Variants in GOT1 observed in about 807,000 individuals in gnomAD.
GOT1 encodes aspartate aminotransferase, cytoplasmic.
A neutral mutation model predicts 48.2 loss-of-function variants in GOT1; 25 were observed. The ratio of observed to expected loss-of-function variants is 0.52; its 90% CI spans 0.38 to 0.72. GOT1 has a LOEUF of 0.72. GOT1 is among the 30% of genes least tolerant of loss of function. The pLI is 0.00. For missense variants in GOT1, 380 were observed against 520.1 expected, an observed-to-expected ratio of 0.73 and a Z score of 2.62; for synonymous variants, 188 against 193.8, an observed-to-expected ratio of 0.97 and a Z score of 0.25.
chr10:99,405,980 G>T, intron 4 of GOT1, 120 bp from the exon 5 acceptor site: 1 of 797,854 alleles, frequency 1.3e-6, no homozygotes, highest in South Asian at 1.4e-5. Context: ...ACTCTTTCAT[G>T]TCTCTTTTGT....
At position 99,406,268 on chromosome 10, in the gene GOT1, A is replaced by C; in HGVS notation, c.425-19T>G. The stretch of plus-strand genomic sequence containing the variant: ...TGATTCTCTGCATGCAAAGAAGTAA[A>C]AAGTTAAGCACTTTACAAACACTAG... On this transcript the variant is annotated intron_variant, in intron 3 of 8. Coordinates refer to ENST00000370508, the MANE Select transcript of GOT1 (RefSeq NM_002079.3). 1 of 1,560,726 alleles carries C rather than the reference A, an allele frequency of 6.4e-7. No individual in the cohort carries two copies. The highest frequency in any genetic ancestry group is 8.8e-7 in the Non-Finnish European group (1 of 1,131,322).
intron 2 of GOT1, among the ~76,000 whole-genome samples, chr10:99,414,455 C>G (rs1018361384): frequency 1.3e-5 from 2 of 152,106 alleles, no homozygotes; most frequent in African/African-American, 2.4e-5. Flanking sequence ...CCTTAGGGAC[C>G]TACAAAGGGA....
At chr10:99,425,060 A>T (rs1358371348) in intron 1 of GOT1, among the ~76,000 whole-genome samples, 1 of 152,252 alleles carries the variant, frequency 6.6e-6, no homozygotes, top group Non-Finnish European at 1.5e-5. Flanking sequence ...TTGATAAAAT[A>T]AGATCCCATC....
chr10:99,416,304 A>T (rs2134105114), intron 2 of GOT1, among the ~76,000 whole-genome samples: 1 of 151,322 alleles, frequency 6.6e-6, no homozygotes, highest in East Asian at 1.9e-4. Context: ...AATAACAGAC[A>T]AATAGAGAGC....
chr10:99,421,819 G>A (rs1351611722), intron 1 of GOT1, among the ~76,000 whole-genome samples: 2 of 152,000 alleles, frequency 1.3e-5, no homozygotes, highest in African/African-American at 4.8e-5. Context: ...AAATTTTAGA[G>A]TGATACTGAT....
At chr10:99,407,087 C>T (rs142591733) in intron 2 of GOT1, among the ~76,000 whole-genome samples, 2 of 152,302 alleles carry the variant, frequency 1.3e-5, no homozygotes, top group African/African-American at 2.4e-5. Context: ...TTACCAGCTA[C>T]TGAGCAGGAG....
intron 1 of GOT1, 129 bp from the exon 2 acceptor site, chr10:99,420,934 A>C: frequency 1.3e-6 from 1 of 761,198 alleles, no homozygotes; most frequent in Non-Finnish European, 2.1e-6. Context: ...AATTGGAGAA[A>C]AGTTTGTTCA....
At chr10:99,414,201 A>G (rs976256644) in intron 2 of GOT1, among the ~76,000 whole-genome samples, 2 of 152,206 alleles carry the variant, frequency 1.3e-5, no homozygotes, top group African/African-American at 4.8e-5. Context: ...AACCCATCTC[A>G]CGTGCAGAGA....
At position 99,405,959 on chromosome 10, in the gene GOT1, A is replaced by C. The variant is rs978973618; in HGVS notation, c.538-99T>G. On this transcript the variant is annotated intron_variant, in intron 4 of 8. Coordinates refer to ENST00000370508, the MANE Select transcript of GOT1 (RefSeq NM_002079.3). ...CAGTGATGGAGGGCAAAGGGCAACC[A>C]TATTCTTGTCACTCTTTCATGTCTC... 4.7e-5 allele frequency: 38 copies of C among 816,144 alleles called. No individual in the cohort carries two copies. In the African/African-American group the frequency reaches 5.4e-4, roughly 12 times the overall value. The allele number at this position is 816,144 out of a possible 1,614,324, so 50.6% of individuals were successfully genotyped here.
chr10:99,422,242 G>A (rs1043342332), intron 1 of GOT1, among the ~76,000 whole-genome samples: 1 of 152,118 alleles, frequency 6.6e-6, no homozygotes, highest in South Asian at 2.1e-4. Context: ...GCTTGCTTGC[G>A]CTTCACTCTT....
At chr10:99,411,080 C>T (rs141955950) in intron 2 of GOT1, among the ~76,000 whole-genome samples, 78 of 152,336 alleles carry the variant, frequency 5.1e-4, no homozygotes, top group African/African-American at 1.2e-3. Context: ...GCATCTCTCA[C>T]GGCATCTGGC....
At chr10:99,427,430 T>G (rs1397485867) in intron 1 of GOT1, among the ~76,000 whole-genome samples, 2 of 152,032 alleles carry the variant, frequency 1.3e-5, no homozygotes, top group Admixed American at 6.6e-5. Flanking sequence ...CACCACGCCC[T>G]GCTAATTTTT....
intron 5 of GOT1, among the ~76,000 whole-genome samples, chr10:99,404,192 T>C (rs573071198): frequency 7.9e-5 from 12 of 152,330 alleles, no homozygotes; most frequent in African/African-American, 2.9e-4. Context: ...ATTTCTGGCG[T>C]GAGAGCCTTA....
At chr10:99,416,865 T>C (rs2032901803) in intron 2 of GOT1, among the ~76,000 whole-genome samples, 2 of 152,208 alleles carry the variant, frequency 1.3e-5, no homozygotes, top group South Asian at 4.1e-4. Context: ...CTGGGAAAAC[T>C]GGCTAGACAT....
At chr10:99,402,083 C>T (rs1247967917) in intron 8 of GOT1, among the ~76,000 whole-genome samples, 2 of 152,142 alleles carry the variant, frequency 1.3e-5, no homozygotes, top group Non-Finnish European at 2.9e-5. Flanking sequence ...GTTGGGATTA[C>T]AGGTGTGAGC....
At chr10:99,426,327 A>C (rs937654147) in intron 1 of GOT1, among the ~76,000 whole-genome samples, 2 of 152,146 alleles carry the variant, frequency 1.3e-5, no homozygotes, top group African/African-American at 4.8e-5. Flanking sequence ...AGGAAGAAAG[A>C]ACACAGATTT....
At chr10:99,407,771 A>T (rs2032780294) in intron 2 of GOT1, among the ~76,000 whole-genome samples, 6 of 137,850 alleles carry the variant, frequency 4.4e-5, no homozygotes, top group Admixed American at 8.1e-5. Flanking sequence ...ATAGGCAATA[A>T]TAAAAGCCAT....
chr10:99,401,751 A>AG (rs1589934377), intron 8 of GOT1, among the ~76,000 whole-genome samples: 2 of 151,962 alleles, frequency 1.3e-5, no homozygotes, highest in East Asian at 1.9e-4. Flanking sequence ...GACCAAGACC[A>AG]TGCATGACCA....
chr10:99,397,317 T>C lies in GOT1; in HGVS notation c.*230A>G. The C allele has an allele frequency of 1.9e-6, 1 of 535,518 alleles. No homozygotes were observed. Among genetic ancestry groups the C allele is most frequent in the South Asian group, 2.7e-5 (1 of 37,492 alleles). The allele number at this position is 535,518 out of a possible 1,614,324, so 33.2% of individuals were successfully genotyped here. A position where few individuals can be genotyped will look rare whatever the true frequency, so the allele number is the denominator to read the frequency against. On this transcript the variant is annotated 3_prime_UTR_variant, in exon 9 of 9. Transcript: ENST00000370508. This position sits in a 1 kb window ranked among gnomAD's most constrained non-coding sequence, Gnocchi z 5.4. ...ATCAAAGTACTCTTTTATTCTTAAA[T>C]AAAAATCTTAATTTGCTTTGACCTC...
Sources: allele counts gnomAD v4.1 joint callset (sites outside exome capture counted in the v4.1 genomes callset), GRCh38; gene constraint gnomAD v4.1.1; non-coding constraint Gnocchi (gnomAD v3.1); transcripts MANE v1.5; gene names NCBI Gene and HGNC (gene_info 2026-07-23, HGNC 2026-07-21).